USH2A: variants seen among roughly 807,000 people sequenced by gnomAD.
USH2A encodes the protein Usher syndrome 2A (autosomal recessive, mild).
In USH2A, 443 loss-of-function variants were observed where a neutral mutation model predicts 538.9. The observed-to-expected ratio is 0.82, with a 90% CI of 0.76 to 0.89. The LOEUF (loss-of-function observed/expected upper bound fraction) is 0.89, where lower values mean the gene tolerates loss of function less well. Ranked by LOEUF, USH2A falls within the 40% of genes least tolerant of loss-of-function variation. The pLI, the probability that USH2A is intolerant of heterozygous loss-of-function variation, is 0.00. For missense variants in USH2A, 6,633 were observed against 6,324.8 expected, an observed-to-expected ratio of 1.05 and a Z score of -1.65; for synonymous variants, 2,413 against 2,273.5, an observed-to-expected ratio of 1.06 and a Z score of -1.75.
intron 55 of USH2A, among the ~76,000 whole-genome samples, chr1:215,777,468 C>A (rs1466157231): frequency 6.6e-6 from 1 of 152,174 alleles, no homozygotes; most frequent in East Asian, 1.9e-4. Context: ...GAAGAAATTT[C>A]TTTAGCCTTA....
At chr1:215,934,592 T>C (rs372925926) in intron 38 of USH2A, 24 bp downstream of exon 38, 9 of 1,607,550 alleles carry the variant, frequency 5.6e-6, no homozygotes, top group South Asian at 2.2e-5. Flanking sequence ...TAAAATTAGA[T>C]AGCCAACATT....
chr1:216,209,027 G>A (rs1429066781), intron 15 of USH2A, among the ~76,000 whole-genome samples: 1 of 152,210 alleles, frequency 6.6e-6, no homozygotes, highest in African/African-American at 2.4e-5. Context: ...AAATGTTTAA[G>A]TGCAGTGGTC....
intron 14 of USH2A, among the ~76,000 whole-genome samples, chr1:216,229,885 G>C (rs1181169470): frequency 6.6e-6 from 1 of 152,064 alleles, no homozygotes; most frequent in Non-Finnish European, 1.5e-5. Flanking sequence ...GGGGTAAAAG[G>C]CTCAGCCACG....
At chr1:216,353,282 A>G (rs377177522) in intron 4 of USH2A, among the ~76,000 whole-genome samples, 2 of 152,284 alleles carry the variant, frequency 1.3e-5, no homozygotes, top group East Asian at 3.9e-4. Context: ...ATGATTATGT[A>G]TCTGACAGAA....
chr1:215,778,315 G>T (rs1023302740), intron 55 of USH2A, among the ~76,000 whole-genome samples: 1 of 152,162 alleles, frequency 6.6e-6, no homozygotes, highest in African/African-American at 2.4e-5. Context: ...GCGTCCCAAA[G>T]TGCTGAGATT....
intron 20 of USH2A, among the ~76,000 whole-genome samples, chr1:216,181,032 A>G (rs1246976649): frequency 6.6e-6 from 1 of 152,148 alleles, no homozygotes; most frequent in African/African-American, 2.4e-5. Context: ...ACTCAGCATC[A>G]TCTTGTTGAC....
At chr1:215,956,680 G>A (rs565234392) in intron 37 of USH2A, among the ~76,000 whole-genome samples, 10 of 152,166 alleles carry the variant, frequency 6.6e-5, no homozygotes, top group Admixed American at 3.9e-4. Context: ...TCATTACATC[G>A]CCGCCTCAAC....
intron 51 of USH2A, among the ~76,000 whole-genome samples, chr1:215,787,861 T>C (rs1182643539): frequency 6.6e-6 from 1 of 152,056 alleles, no homozygotes; most frequent in Non-Finnish European, 1.5e-5. Context: ...CCGATCAACA[T>C]GGCGAAACCC....
intron 20 of USH2A, 91 bp downstream of exon 20, chr1:216,190,132 T>C (rs2034685200): frequency 6.5e-7 from 1 of 1,545,810 alleles, no homozygotes; most frequent in Non-Finnish European, 8.8e-7. Flanking sequence ...AGAAGACAAA[T>C]ATAAAGTCTC....
At chr1:216,008,951 C>T (rs1668475648) in intron 32 of USH2A, among the ~76,000 whole-genome samples, 1 of 151,420 alleles carries the variant, frequency 6.6e-6, no homozygotes. Flanking sequence ...CTCTGCCTTT[C>T]TGGGGGGCAA....
chr1:216,241,898 GT>G (rs1240806149), intron 13 of USH2A, among the ~76,000 whole-genome samples: 1 of 152,098 alleles, frequency 6.6e-6, no homozygotes, highest in Non-Finnish European at 1.5e-5. Context: ...CTTTCCAAAG[GT>G]TTATTGCAAA....
At chr1:215,650,855 A>T in intron 64 of USH2A, 54 bp from the exon 65 acceptor site, 3 of 1,029,918 alleles carry the variant, frequency 2.9e-6, no homozygotes, top group Non-Finnish European at 2.6e-6. Context: ...AAGGCTGGGA[A>T]AAAAAAAAAA....
intron 61 of USH2A, among the ~76,000 whole-genome samples, chr1:215,691,607 A>G (rs975261030): frequency 1.3e-5 from 2 of 151,888 alleles, no homozygotes; most frequent in African/African-American, 4.8e-5. Context: ...ATCCTGATTT[A>G]TTTTCTTAAG....
chr1:216,084,535 T>C (rs1014722439), intron 25 of USH2A, among the ~76,000 whole-genome samples, 163 bp downstream of exon 25: 12 of 152,182 alleles, frequency 7.9e-5, no homozygotes, highest in Admixed American at 2.0e-4. Context: ...ATATTGCATA[T>C]TCAGATGTCA....
At chr1:216,396,597 G>C (rs1452774317) in intron 3 of USH2A, among the ~76,000 whole-genome samples, 1 of 151,876 alleles carries the variant, frequency 6.6e-6, no homozygotes, top group Non-Finnish European at 1.5e-5. Context: ...ATCATTACAC[G>C]AACCAGTTAC....
At position 215,867,187 on chromosome 1, in the gene USH2A, T is replaced by G. The variant is rs1553271011; in HGVS notation, c.8682-17A>C. On this transcript the variant is annotated splice_polypyrimidine_tract_variant and intron_variant, in intron 43 of 71. Coordinates refer to ENST00000307340, the MANE Select transcript of USH2A (RefSeq NM_206933.4). Reference sequence around the variant, plus strand: ...GTTGTAAACCTAAAATGTTGTTTTGTTAAAAAAAGTATATGAATTTCTACT... The same window carrying G: ...GTTGTAAACCTAAAATGTTGTTTTGGTAAAAAAAGTATATGAATTTCTACT... 1 of 1,612,142 alleles carries G rather than the reference T, an allele frequency of 6.2e-7. No individual in the cohort carries two copies. Among genetic ancestry groups the G allele is most frequent in the South Asian group, 1.1e-5 (1 of 90,772 alleles).
At chr1:216,182,638 T>A (rs2034517002) in intron 20 of USH2A, among the ~76,000 whole-genome samples, 1 of 152,098 alleles carries the variant, frequency 6.6e-6, no homozygotes, top group South Asian at 2.1e-4. Flanking sequence ...CAGATGGTAA[T>A]TCCATCTAAT....
chr1:216,249,935 G>A (rs2036126870), intron 12 of USH2A, among the ~76,000 whole-genome samples: 1 of 151,878 alleles, frequency 6.6e-6, no homozygotes, highest in African/African-American at 2.4e-5. Flanking sequence ...TTTTACTATT[G>A]TAAGGTTCAG....
At chr1:216,210,202 T>C (rs2035209588) in intron 15 of USH2A, among the ~76,000 whole-genome samples, 1 of 152,036 alleles carries the variant, frequency 6.6e-6, no homozygotes, top group South Asian at 2.1e-4. Flanking sequence ...GTTGTCCATG[T>C]GTTGAAGGCC....
Sources: allele counts gnomAD v4.1 joint callset (sites outside exome capture counted in the v4.1 genomes callset), GRCh38; gene constraint gnomAD v4.1.1; transcripts MANE v1.5; gene names NCBI Gene and HGNC (gene_info 2026-07-23, HGNC 2026-07-21).